CPNE4: variants seen among roughly 807,000 people sequenced by gnomAD.
The protein encoded by CPNE4 is copine 4, also known as copine-4.
Under a neutral mutation model 67.9 loss-of-function variants are expected in CPNE4, and 25 were observed. The observed-to-expected ratio is 0.37, with a 90% CI of 0.27 to 0.51. The LOEUF is 0.51. Ranked by LOEUF, CPNE4 falls within the 20% of genes least tolerant of loss-of-function variation. The pLI, the probability that CPNE4 is intolerant of heterozygous loss-of-function variation, is 0.93. For missense variants in CPNE4, 464 were observed against 690.8 expected (o/e 0.67, Z 3.68); for synonymous variants, 242 against 244.9 (o/e 0.99, Z 0.11).
At chr3:132,033,192 A>G (rs2074273108) in intron 1 of CPNE4, among the ~76,000 whole-genome samples, 1 of 152,258 alleles carries the variant, frequency 6.6e-6, no homozygotes, top group South Asian at 2.1e-4. Flanking sequence ...ATAACATATT[A>G]AAGTATCTTG....
At position 131,989,024 on chromosome 3, in the gene CPNE4, G is replaced by A. The variant is rs532364411; in HGVS notation, c.-2+45543C>T. Among the ~76,000 whole-genome samples the A allele has an allele frequency of 3.3e-5, 5 of 152,298 alleles. No individual in the cohort carries two copies. In the South Asian group the frequency reaches 1.0e-3, roughly 32 times the overall value. On this transcript the variant is annotated intron_variant, in intron 1 of 15. Coordinates refer to ENST00000429747, the MANE Select transcript of CPNE4 (RefSeq NM_130808.3). ...TTGACTATGTTATATAGAGATACAT[G>A]CTTAGGAAACTGCTTATAATTGTGT...
At chr3:132,009,032 G>A (rs1414767163) in intron 1 of CPNE4, among the ~76,000 whole-genome samples, 3 of 152,168 alleles carry the variant, frequency 2.0e-5, no homozygotes, top group Non-Finnish European at 4.4e-5. Flanking sequence ...GCCCTCAGGA[G>A]GGAGGGTATG....
chr3:131,709,089 A>G (rs1258953378), intron 3 of CPNE4, among the ~76,000 whole-genome samples: 3 of 150,382 alleles, frequency 2.0e-5, no homozygotes, highest in Non-Finnish European at 4.4e-5. Flanking sequence ...GACACATTAC[A>G]TGAATTCTGA....
intron 2 of CPNE4, among the ~76,000 whole-genome samples, chr3:131,885,335 CTTT>C (rs3041549): frequency 5.7e-4 from 80 of 140,816 alleles, no homozygotes; most frequent in African/African-American, 1.7e-3. Context: ...GGAGAAATTT[CTTT>C]TTTTTTTTTT....
chr3:131,681,739 T>C (rs1409211846), intron 6 of CPNE4, among the ~76,000 whole-genome samples: 3 of 152,152 alleles, frequency 2.0e-5, no homozygotes, highest in Non-Finnish European at 4.4e-5. Flanking sequence ...TTTCTCCTTA[T>C]ACTTTATGGC....
Position 132,034,973 on chromosome 3 carries a change from G to T in CPNE4, c.-408C>A. 1.0e-6 allele frequency: 1 copy of T among 985,608 alleles called. No individual in the cohort carries two copies. Among genetic ancestry groups the T allele is most frequent in the Non-Finnish European group, 1.2e-6 (1 of 830,136 alleles). 61.1% of individuals were successfully genotyped at this position (985,608 alleles called of 1,614,324 possible). A position where few individuals can be genotyped will look rare whatever the true frequency, so the allele number is the denominator to read the frequency against. The stretch of plus-strand genomic sequence containing the variant: ...AAGAGAAGGGGACGAGCGGGTGGCG[G>T]GGAGATGGCAGCTTCTCACAGAGAG... On this transcript the variant is annotated 5_prime_UTR_variant, in exon 1 of 16. Transcript: ENST00000429747.
chr3:131,709,567 T>C (rs896135999), intron 3 of CPNE4, among the ~76,000 whole-genome samples: 46 of 152,360 alleles, frequency 3.0e-4, no homozygotes, highest in African/African-American at 1.1e-3. Context: ...TGTTGCAGAC[T>C]GACCAAAGCA....
At chr3:131,924,448 A>G (rs1038100882) in intron 1 of CPNE4, among the ~76,000 whole-genome samples, 3 of 152,166 alleles carry the variant, frequency 2.0e-5, no homozygotes, top group Non-Finnish European at 4.4e-5. Context: ...AAGGATCTAG[A>G]ATGTAAAGAA....
At chr3:131,997,771 T>C (rs547229391) in intron 1 of CPNE4, among the ~76,000 whole-genome samples, 1 of 152,214 alleles carries the variant, frequency 6.6e-6, no homozygotes, top group South Asian at 2.1e-4. Context: ...CTTAGATTGA[T>C]GGCAACAAAG....
intron 2 of CPNE4, among the ~76,000 whole-genome samples, chr3:131,753,957 C>T (rs73875008): frequency 0.054 from 8,150 of 151,938 alleles, 711 homozygotes; most frequent in African/African-American, 0.18. Context: ...AAAACCACCA[C>T]CATGTAAAAA....
chr3:131,546,346 A>G (rs778919564), intron 14 of CPNE4, among the ~76,000 whole-genome samples: 84 of 152,188 alleles, frequency 5.5e-4, no homozygotes, highest in Admixed American at 1.0e-3. Context: ...ATGAAATATT[A>G]TAGTCTTTGA....
chr3:132,006,067 CA>C (rs1468723165), intron 1 of CPNE4, among the ~76,000 whole-genome samples: 1 of 152,122 alleles, frequency 6.6e-6, no homozygotes, highest in African/African-American at 2.4e-5. Flanking sequence ...CACCATCTGA[CA>C]AAGAGTAATC....
chr3:131,722,448 C>CA (rs879825547), intron 3 of CPNE4, among the ~76,000 whole-genome samples: 5 of 151,944 alleles, frequency 3.3e-5, no homozygotes, highest in African/African-American at 7.3e-5. Flanking sequence ...CCCATACCCC[C>CA]CCACGTTTGT....
At chr3:131,879,839 T>A (rs2087603521) in intron 2 of CPNE4, among the ~76,000 whole-genome samples, 1 of 152,096 alleles carries the variant, frequency 6.6e-6, no homozygotes, top group African/African-American at 2.4e-5. Context: ...ACAGCATAAT[T>A]TTCCCTTTCT....
chr3:131,934,227 A>G (rs1399663147), intron 1 of CPNE4, among the ~76,000 whole-genome samples: 1 of 152,168 alleles, frequency 6.6e-6, no homozygotes, highest in Non-Finnish European at 1.5e-5. Flanking sequence ...TGACTTTAAC[A>G]AGATCAGTTT....
At chr3:131,628,356 G>A (rs1295530760) in intron 7 of CPNE4, among the ~76,000 whole-genome samples, 1 of 152,190 alleles carries the variant, frequency 6.6e-6, no homozygotes. Context: ...TTCTTACATG[G>A]TGGCAACAGA....
chr3:131,730,499 A>G (rs1476478889), intron 2 of CPNE4, among the ~76,000 whole-genome samples: 1 of 152,208 alleles, frequency 6.6e-6, no homozygotes, highest in Admixed American at 6.5e-5. Flanking sequence ...TTATCCCTCA[A>G]AATTCATATA....
At chr3:131,920,752 G>C (rs542948778) in intron 1 of CPNE4, among the ~76,000 whole-genome samples, 74 of 152,116 alleles carry the variant, frequency 4.9e-4, no homozygotes, top group Admixed American at 2.4e-3. Context: ...TGTCATCTCA[G>C]AACCAAATGT....
At chr3:131,594,170 T>G (rs2107712169) in intron 7 of CPNE4, among the ~76,000 whole-genome samples, 1 of 152,338 alleles carries the variant, frequency 6.6e-6, no homozygotes, top group East Asian at 1.9e-4. Context: ...TAAGGTACAT[T>G]TCTTCTATAC....
Sources: allele counts gnomAD v4.1 joint callset (sites outside exome capture counted in the v4.1 genomes callset), GRCh38; gene constraint gnomAD v4.1.1; transcripts MANE v1.5; gene names NCBI Gene and HGNC (gene_info 2026-07-23, HGNC 2026-07-21).